The following SGCD variants were observed in gnomAD, a reference collection of about 807,000 sequenced individuals.
SGCD encodes the protein delta-sarcoglycan.
A neutral mutation model predicts 36.6 loss-of-function variants in SGCD; 18 were observed. The ratio of observed to expected loss-of-function variants is 0.49; its 90% CI spans 0.34 to 0.73. SGCD has a LOEUF of 0.73. Ranked by LOEUF, SGCD falls within the 30% of genes least tolerant of loss-of-function variation. The pLI is 0.01. For missense variants in SGCD, 387 were observed against 346.7 expected (o/e 1.12, Z -0.92); for synonymous variants, 133 against 130.6 (o/e 1.02, Z -0.12).
At chr5:155,979,570 G>C (rs554312213) in intron 1 of SGCD, among the ~76,000 whole-genome samples, 94 of 152,304 alleles carry the variant, frequency 6.2e-4, no homozygotes, top group African/African-American at 2.2e-3. Context: ...AGTTTCAAAG[G>C]CTCCTCTGTC....
intron 1 of SGCD, among the ~76,000 whole-genome samples, chr5:156,007,750 G>A (rs1758784188): frequency 6.6e-6 from 1 of 152,190 alleles, no homozygotes; most frequent in African/African-American, 2.4e-5. Context: ...GGGCAGACAT[G>A]TAAGCGACTT....
At chr5:156,149,319 C>T (rs1403712162) in intron 3 of SGCD, among the ~76,000 whole-genome samples, 7 of 152,290 alleles carry the variant, frequency 4.6e-5, no homozygotes, top group African/African-American at 1.7e-4. Flanking sequence ...TGACTATAGT[C>T]ACCCTATTGT....
intron 4 of SGCD, among the ~76,000 whole-genome samples, chr5:156,577,729 G>C (rs1051545539): frequency 6.6e-6 from 1 of 152,124 alleles, no homozygotes; most frequent in Non-Finnish European, 1.5e-5. Flanking sequence ...TCTATTATTG[G>C]TGTATAGGAA....
At chr5:156,025,112 T>A (rs1759198406) in intron 1 of SGCD, among the ~76,000 whole-genome samples, 1 of 152,184 alleles carries the variant, frequency 6.6e-6, no homozygotes, top group South Asian at 2.1e-4. Flanking sequence ...CAAAGTCCAA[T>A]GGTAGTGGGA....
the SGCD span, among the ~76,000 whole-genome samples, chr5:155,738,447 CTTGT>C: frequency 6.6e-6 from 1 of 152,066 alleles, no homozygotes; most frequent in East Asian, 1.9e-4. Context: ...CATAATGTAC[CTTGT>C]TTGTTTATGT....
intron 3 of SGCD, among the ~76,000 whole-genome samples, chr5:156,399,535 G>A (rs774855101): frequency 2.0e-5 from 3 of 152,152 alleles, no homozygotes; most frequent in Non-Finnish European, 2.9e-5. Context: ...CAGGGCTCTT[G>A]TACTTGGGGC....
Position 156,046,470 on chromosome 5 carries a change from A to AT in SGCD, c.-281-71401dup, listed in dbSNP as rs879554424. On this transcript the variant is annotated intron_variant, in intron 1 of 9. Coordinates refer to the SGCD transcript ENST00000517913. ...TGTGTCTAGAAAGTCTATTGGTGCC[A>AT]TTTTTTTCCAAAAGTGTGTGCTCAC... Among the ~76,000 whole-genome samples, 3 of 152,006 alleles carry AT rather than the reference A, an allele frequency of 2.0e-5. No homozygotes were observed. In the East Asian group the frequency reaches 5.8e-4, roughly 29 times the overall value.
chr5:155,991,501 A>G (rs1176201823), intron 1 of SGCD, among the ~76,000 whole-genome samples: 1 of 152,230 alleles, frequency 6.6e-6, no homozygotes, highest in African/African-American at 2.4e-5. Context: ...AAGAATTGCT[A>G]TTTCACAGAT....
intron 3 of SGCD, among the ~76,000 whole-genome samples, chr5:156,144,967 G>A (rs1468869854): frequency 6.6e-6 from 1 of 152,162 alleles, no homozygotes; most frequent in Non-Finnish European, 1.5e-5. Context: ...GTGAACTGTT[G>A]GGAGGGCATG....
intron 7 of SGCD, among the ~76,000 whole-genome samples, chr5:156,718,455 C>T (rs1321212121): frequency 6.6e-6 from 1 of 151,946 alleles, no homozygotes; most frequent in Non-Finnish European, 1.5e-5. Flanking sequence ...GGTGTTTCTT[C>T]TCAATGTGCT....
chr5:155,947,835 G>C (rs756625183), intron 1 of SGCD, among the ~76,000 whole-genome samples: 3 of 152,218 alleles, frequency 2.0e-5, no homozygotes, highest in South Asian at 2.1e-4. Context: ...ACTGGAGAGA[G>C]AGAGATTGAG....
At chr5:156,734,276 A>G (rs1044222038) in intron 7 of SGCD, among the ~76,000 whole-genome samples, 1 of 150,956 alleles carries the variant, frequency 6.6e-6, no homozygotes, top group African/African-American at 2.4e-5. Context: ...TTCCTTTTGT[A>G]GGTGACCTGT....
chr5:156,445,891 A>G (rs191899659), intron 3 of SGCD, among the ~76,000 whole-genome samples: 133 of 152,214 alleles, frequency 8.7e-4, no homozygotes, highest in African/African-American at 3.0e-3. Flanking sequence ...AAACAATTTT[A>G]TTCATTCATT....
intron 1 of SGCD, among the ~76,000 whole-genome samples, chr5:156,100,104 C>T (rs1761485749): frequency 6.6e-6 from 1 of 152,004 alleles, no homozygotes; most frequent in African/African-American, 2.4e-5. Flanking sequence ...CATACTACTG[C>T]AAAGTAACGA....
chr5:156,216,001 C>G (rs1478576040), intron 3 of SGCD, among the ~76,000 whole-genome samples: 1 of 152,080 alleles, frequency 6.6e-6, no homozygotes, highest in African/African-American at 2.4e-5. Context: ...AGTATTTAGC[C>G]TTAAAAAAGA....
intron 3 of SGCD, among the ~76,000 whole-genome samples, chr5:156,502,296 T>C (rs369835652): frequency 6.6e-6 from 1 of 152,126 alleles, no homozygotes; most frequent in South Asian, 2.1e-4. Context: ...TCCGCCCGCC[T>C]CGGCCTCCCA....
chr5:155,807,027 C>A, the SGCD span, among the ~76,000 whole-genome samples: 3 of 152,172 alleles, frequency 2.0e-5, no homozygotes, highest in Admixed American at 6.5e-5. Context: ...GTGCATAATA[C>A]ATAAATGCAT....
At chr5:156,330,523 A>G (rs564439137) in intron 2 of SGCD, among the ~76,000 whole-genome samples, 7 of 152,238 alleles carry the variant, frequency 4.6e-5, no homozygotes, top group African/African-American at 1.7e-4. Context: ...CTTTAAGAAT[A>G]ACTCTTAGTC....
intron 7 of SGCD, among the ~76,000 whole-genome samples, chr5:156,696,675 A>T (rs1266169066): frequency 6.6e-6 from 1 of 151,876 alleles, no homozygotes; most frequent in East Asian, 1.9e-4. Flanking sequence ...ACACCTGGCT[A>T]ATTTTTGTAT....
Sources: allele counts gnomAD v4.1 joint callset (sites outside exome capture counted in the v4.1 genomes callset), GRCh38; gene constraint gnomAD v4.1.1; transcripts MANE v1.5; gene names NCBI Gene and HGNC (gene_info 2026-07-23, HGNC 2026-07-21).